Variants in SUSD1 observed in about 807,000 individuals in gnomAD.
SUSD1 encodes the protein sushi domain-containing protein 1.
In SUSD1, 65 loss-of-function variants were observed where a neutral mutation model predicts 86.9. The ratio of observed to expected loss-of-function variants is 0.75; its 90% CI spans 0.61 to 0.92. The LOEUF (loss-of-function observed/expected upper bound fraction) is 0.92. SUSD1 is among the 40% of genes least tolerant of loss of function. The pLI is 0.00. For missense variants in SUSD1, 850 were observed against 929.7 expected (o/e 0.91, Z 1.11); for synonymous variants, 346 against 350.0 (o/e 0.99, Z 0.13).
rs142338761 is a variant in SUSD1, at chr9:112,057,355, C to T, written c.2109+1073G>A. Among the ~76,000 whole-genome samples the T allele has an allele frequency of 2.8e-4, 42 of 152,338 alleles. 1 individual carries two copies. The highest frequency in any genetic ancestry group is 9.6e-4 in the African/African-American group (40 of 41,584). ...TACCCTCCCCAACCAAAGTCTTAAT[C>T]TAGGACAGTAGATCTCTGAACCATC... On this transcript the variant is annotated intron_variant, in intron 14 of 16. Transcript: ENST00000374270.
intron 10 of SUSD1, among the ~76,000 whole-genome samples, chr9:112,080,503 C>A (rs905487805): frequency 3.3e-5 from 5 of 152,122 alleles, no homozygotes; most frequent in Non-Finnish European, 5.9e-5. Context: ...GCCTGGCCAA[C>A]ATAGCGAAAC....
At chr9:112,165,934 G>GAAGAAAGA (rs1833788730) in intron 1 of SUSD1, among the ~76,000 whole-genome samples, 1 of 101,554 alleles carries the variant, frequency 9.8e-6, no homozygotes, top group African/African-American at 4.1e-5. Context: ...AAGAAAGAAA[G>GAAGAAAGA]AAAGAAAGAA....
intron 7 of SUSD1, chr9:112,112,054 A>T: frequency 2.1e-6 from 1 of 483,614 alleles, no homozygotes; most frequent in East Asian, 3.4e-5. Flanking sequence ...TCTCCCTAGG[A>T]AGTGCTCTCC....
chr9:112,100,192 G>C (rs188181361), intron 9 of SUSD1, among the ~76,000 whole-genome samples: 298 of 152,074 alleles, frequency 2.0e-3, no homozygotes, highest in African/African-American at 6.9e-3. Context: ...TAATTTTTTT[G>C]TTGTTGTTTT....
At chr9:112,087,949 T>C (rs1032296709) in intron 10 of SUSD1, among the ~76,000 whole-genome samples, 1 of 152,152 alleles carries the variant, frequency 6.6e-6, no homozygotes, top group Non-Finnish European at 1.5e-5. Flanking sequence ...ATTTTAAAGA[T>C]AAAGGAAGAA....
chr9:112,117,048 G>A (rs928292347), intron 6 of SUSD1, among the ~76,000 whole-genome samples: 9 of 152,242 alleles, frequency 5.9e-5, no homozygotes, highest in African/African-American at 1.9e-4. Context: ...GCCGAGGCAC[G>A]AGAATCACTT....
intron 5 of SUSD1, among the ~76,000 whole-genome samples, chr9:112,141,693 T>C (rs947519450): frequency 1.8e-4 from 27 of 146,464 alleles, no homozygotes; most frequent in Non-Finnish European, 3.0e-4. Context: ...TATATATATA[T>C]ATAAAAAATA....
chr9:112,114,308 C>A (rs577464149), intron 6 of SUSD1, among the ~76,000 whole-genome samples: 1 of 152,226 alleles, frequency 6.6e-6, no homozygotes, highest in Admixed American at 6.5e-5. Context: ...CATGGCAAAA[C>A]CCCGTCTCTA....
chr9:112,150,896 T>A (rs1038365884), intron 2 of SUSD1, among the ~76,000 whole-genome samples: 1 of 152,042 alleles, frequency 6.6e-6, no homozygotes, highest in African/African-American at 2.4e-5. Context: ...AGTGAGTGAG[T>A]GAATAGGAAG....
intron 1 of SUSD1, among the ~76,000 whole-genome samples, chr9:112,164,718 G>A (rs1833704431): frequency 6.6e-6 from 1 of 152,096 alleles, no homozygotes. Context: ...GCTGAGGCAG[G>A]CGGATCATGA....
At chr9:112,062,703 T>C (rs1370441951) in intron 13 of SUSD1, among the ~76,000 whole-genome samples, 1 of 151,616 alleles carries the variant, frequency 6.6e-6, no homozygotes, top group Non-Finnish European at 1.5e-5. Context: ...CTCAAAAAAA[T>C]AAAAAATAAA....
chr9:112,060,496 C>T lies in SUSD1; in HGVS notation c.1851-1810G>A, dbSNP rs144681349. 5.7e-3 allele frequency among the ~76,000 whole-genome samples: 870 copies of T among 152,294 alleles called. 11 individuals carry two copies. Among genetic ancestry groups the T allele is most frequent in the African/African-American group, 0.02 (833 of 41,550 alleles). On this transcript the variant is annotated intron_variant, in intron 13 of 16. Coordinates refer to ENST00000374270, the MANE Select transcript of SUSD1 (RefSeq NM_022486.5). ...GCCAGGCTGGTCTTGAACTCCTGACCTCTTTAGCTGGGGGAAGTTGTTGCA... is the reference window on the plus strand; with the variant it reads ...GCCAGGCTGGTCTTGAACTCCTGACTTCTTTAGCTGGGGGAAGTTGTTGCA...
At position 112,056,710 on chromosome 9, in the gene SUSD1, T is replaced by TTG. The variant is rs58974133; in HGVS notation, c.2109+1716_2109+1717dup. ...AAAGTTTCCTATGAACCAGAATTCT[T>TTG]TGTGTGTGTGTGTGTGTGTGTGTGT... is the stretch of plus-strand genomic sequence containing the variant. On this transcript the variant is annotated intron_variant, in intron 14 of 16. Coordinates refer to ENST00000374270, the MANE Select transcript of SUSD1 (RefSeq NM_022486.5). 8.7e-3 allele frequency among the ~76,000 whole-genome samples: 1,273 copies of TTG among 146,988 alleles called. 12 individuals carry two copies. The highest frequency in any genetic ancestry group is 0.06 in the East Asian group (299 of 5,018).
intron 6 of SUSD1, among the ~76,000 whole-genome samples, chr9:112,118,691 G>C (rs910709213): frequency 1.3e-5 from 2 of 152,096 alleles, no homozygotes; most frequent in Admixed American, 6.6e-5. Flanking sequence ...CACCATGTTG[G>C]CCAGGCTGGT....
chr9:112,127,953 C>T (rs932704937), intron 5 of SUSD1, among the ~76,000 whole-genome samples: 1 of 151,966 alleles, frequency 6.6e-6, no homozygotes, highest in Admixed American at 6.6e-5. Flanking sequence ...CAGGCATGTA[C>T]CACCATGCCC....
intron 10 of SUSD1, among the ~76,000 whole-genome samples, chr9:112,089,683 A>G (rs1830122137): frequency 6.6e-6 from 1 of 151,908 alleles, no homozygotes; most frequent in Admixed American, 6.6e-5. Context: ...GTGGTGGTAC[A>G]TGCCTGTAGT....
chr9:112,169,901 C>T (rs1833969859), intron 1 of SUSD1, among the ~76,000 whole-genome samples: 2 of 152,148 alleles, frequency 1.3e-5, no homozygotes, highest in South Asian at 4.1e-4. Flanking sequence ...TCTCGAACTC[C>T]TGACCTCAGG....
At chr9:112,055,595 T>A (rs2118929869) in intron 14 of SUSD1, among the ~76,000 whole-genome samples, 1 of 152,300 alleles carries the variant, frequency 6.6e-6, no homozygotes, top group East Asian at 1.9e-4. Flanking sequence ...GAAAACAGTA[T>A]GGTAGTTCCT....
chr9:112,081,965 C>T (rs1181160813), intron 10 of SUSD1, among the ~76,000 whole-genome samples: 3 of 152,102 alleles, frequency 2.0e-5, no homozygotes, highest in Admixed American at 2.0e-4. Context: ...ACAGAAACGC[C>T]TTAGTTTAAT....
Sources: gnomAD v4.1 joint callset for allele counts (sites outside exome capture counted in the v4.1 genomes callset) on GRCh38, gnomAD v4.1.1 for gene constraint, MANE v1.5 for transcripts, NCBI Gene and HGNC (gene_info 2026-07-23, HGNC 2026-07-21) for gene names.